TRAT1: variants seen among roughly 807,000 people sequenced by gnomAD.
TRAT1 encodes the protein T cell receptor associated transmembrane adaptor 1.
In TRAT1, 20 loss-of-function variants were observed where a neutral mutation model predicts 20.0. The observed-to-expected ratio is 1.00, with a 90% CI of 0.70 to 1.45. TRAT1 has a LOEUF of 1.45. TRAT1 is among the 40% of genes most tolerant of loss of function. TRAT1 has a pLI of 0.00. For synonymous variants in TRAT1, 77 were observed against 74.2 expected (o/e 1.04, Z -0.20); for missense variants, 237 against 224.1 (o/e 1.06, Z -0.37).
Position 108,827,797 on chromosome 3 carries a change from C to T in TRAT1, c.8-2873C>T, listed in dbSNP as rs78740046. Among the ~76,000 whole-genome samples the T allele has an allele frequency of 9.4e-3, 1,428 of 152,164 alleles. 12 individuals carry two copies. The highest frequency in any genetic ancestry group is 0.02 in the Middle Eastern group (6 of 294). The stretch of plus-strand genomic sequence containing the variant: ...GGGGCAAATTTACTCTAACAGTAAA[C>T]GACAAAACACAACCCTAAAGAAATG... On this transcript the variant is annotated intron_variant, in intron 1 of 5. Transcript: ENST00000295756.
intron 1 of TRAT1, among the ~76,000 whole-genome samples, chr3:108,826,706 A>G (rs1410499685): frequency 1.3e-5 from 2 of 152,136 alleles, no homozygotes; most frequent in Non-Finnish European, 2.9e-5. Flanking sequence ...ATGCAAAAAG[A>G]CGTTCATTGC....
At chr3:108,829,185 A>G (rs1945768465) in intron 1 of TRAT1, among the ~76,000 whole-genome samples, 1 of 152,198 alleles carries the variant, frequency 6.6e-6, no homozygotes, top group East Asian at 1.9e-4. Context: ...TCAACTCTAT[A>G]ATAAATTAAC....
At chr3:108,850,106 T>TC (rs1945983912) in intron 5 of TRAT1, among the ~76,000 whole-genome samples, 1 of 152,110 alleles carries the variant, frequency 6.6e-6, no homozygotes, top group African/African-American at 2.4e-5. Flanking sequence ...GCATTATCAT[T>TC]CCCATTTTAC....
At chr3:108,847,042 A>C in intron 3 of TRAT1, 26 bp from the exon 4 acceptor site, 1 of 1,324,272 alleles carries the variant, frequency 7.6e-7, no homozygotes, top group Non-Finnish European at 1.1e-6. Flanking sequence ...GAATCTAATA[A>C]GGTAAATTAT....
chr3:108,827,492 T>C (rs1357891173), intron 1 of TRAT1, among the ~76,000 whole-genome samples: 1 of 152,048 alleles, frequency 6.6e-6, no homozygotes, highest in South Asian at 2.1e-4. Flanking sequence ...CCTTCTCATG[T>C]GTGTGCATTG....
chr3:108,832,153 G>A (rs1243534499), intron 2 of TRAT1, among the ~76,000 whole-genome samples: 1 of 152,124 alleles, frequency 6.6e-6, no homozygotes, highest in Non-Finnish European at 1.5e-5. Flanking sequence ...AAAATGGAGT[G>A]GTCTAGCTGA....
At chr3:108,829,613 A>ACACACACACACACG (rs1456309184) in intron 1 of TRAT1, among the ~76,000 whole-genome samples, 3 of 151,724 alleles carry the variant, frequency 2.0e-5, no homozygotes, top group African/African-American at 4.8e-5. Context: ...ACACACACAC[A>ACACACACACACACG]CACAACGTTT....
chr3:108,843,253 C>T (rs560683899), intron 3 of TRAT1, among the ~76,000 whole-genome samples: 6 of 152,296 alleles, frequency 3.9e-5, no homozygotes, highest in East Asian at 1.9e-4. Flanking sequence ...GATTGCCAGC[C>T]GGGCGTGGTG....
intron 1 of TRAT1, among the ~76,000 whole-genome samples, chr3:108,827,372 A>T (rs1945750144): frequency 1.5e-5 from 2 of 129,710 alleles, no homozygotes; most frequent in Non-Finnish European, 3.2e-5. Context: ...GGGAGGTATA[A>T]AGTATGTGTG....
chr3:108,844,797 T>C (rs1372343900), intron 3 of TRAT1, among the ~76,000 whole-genome samples: 1 of 137,356 alleles, frequency 7.3e-6, no homozygotes, highest in East Asian at 2.0e-4. Context: ...TGAGCCGAGA[T>C]TGCGCCACTG....
At chr3:108,835,062 G>A (rs896223600) in intron 2 of TRAT1, among the ~76,000 whole-genome samples, 5 of 152,180 alleles carry the variant, frequency 3.3e-5, no homozygotes, top group African/African-American at 9.7e-5. Context: ...ATAAACAAGC[G>A]TATGGTTTGG....
chr3:108,846,173 A>G (rs1576524131), intron 3 of TRAT1, among the ~76,000 whole-genome samples: 1 of 152,194 alleles, frequency 6.6e-6, no homozygotes, highest in Non-Finnish European at 1.5e-5. Flanking sequence ...TAGCACTGCC[A>G]GTTACTGACT....
chr3:108,836,045 G>A (rs1332857443), intron 2 of TRAT1, among the ~76,000 whole-genome samples: 2 of 151,964 alleles, frequency 1.3e-5, no homozygotes, highest in East Asian at 1.9e-4. Flanking sequence ...TCAGCCTCCC[G>A]AGTAGCTGGG....
At chr3:108,847,599 A>T (rs896652932) in intron 4 of TRAT1, among the ~76,000 whole-genome samples, 1 of 152,306 alleles carries the variant, frequency 6.6e-6, no homozygotes, top group South Asian at 2.1e-4. Flanking sequence ...GAGAAAGAGG[A>T]ACTAAATTGT....
chr3:108,828,707 C>A (rs114820085), intron 1 of TRAT1, among the ~76,000 whole-genome samples: 1,682 of 152,036 alleles, frequency 0.011, 33 homozygotes, highest in African/African-American at 0.036. Context: ...GAACAAAGGC[C>A]CAAATGTGGA....
rs765736053 is a variant in TRAT1, at chr3:108,849,234, G to A, written c.283G>A (p.Glu95Lys). Residue 95 changes from glutamate to lysine, a missense_variant, in exon 5 of 6, where the codon GAA (glutamate) becomes AAA (lysine). Physicochemically the swap from Glu to Lys is moderately conservative, Grantham distance 56. Transcript: ENST00000295756. ...AGAGAAATCTGTAAATAAGATGCAGGAAGCCACCCCATCTGCACAGGTGAG... is the reference window on the plus strand; with the variant it reads ...AGAGAAATCTGTAAATAAGATGCAGAAAGCCACCCCATCTGCACAGGTGAG... ...RPEKSVNKMQ[E>K]ATPSAQATNE... is the part of the protein sequence containing the mutation. The A allele has an allele frequency of 6.2e-7, 1 of 1,614,016 alleles. No individual in the cohort carries two copies. Among genetic ancestry groups the A allele is most frequent in the Non-Finnish European group, 8.5e-7 (1 of 1,179,978 alleles).
chr3:108,830,974 A>G (rs1945787228), intron 2 of TRAT1, among the ~76,000 whole-genome samples, 194 bp downstream of exon 2: 1 of 152,240 alleles, frequency 6.6e-6, no homozygotes, highest in Non-Finnish European at 1.5e-5. Context: ...TAGAAATGTG[A>G]AATAGTTATC....
At chr3:108,852,397 GCACA>G (rs10575104) in intron 5 of TRAT1, among the ~76,000 whole-genome samples, 131 of 147,090 alleles carry the variant, frequency 8.9e-4, no homozygotes, top group Non-Finnish European at 1.0e-3. Flanking sequence ...ACACACGCAT[GCACA>G]CACACACACA....
chr3:108,849,097 C>A, intron 4 of TRAT1, 69 bp from the exon 5 acceptor site: 1 of 1,282,556 alleles, frequency 7.8e-7, no homozygotes, highest in Non-Finnish European at 1.1e-6. Context: ...TTGTTTGGAT[C>A]ATGTATTTTT....
Sources: allele counts gnomAD v4.1 joint callset (sites outside exome capture counted in the v4.1 genomes callset), GRCh38; gene constraint gnomAD v4.1.1; transcripts MANE v1.5; gene names NCBI Gene and HGNC (gene_info 2026-07-23, HGNC 2026-07-21).